Variants in LRSAM1 observed in about 807,000 individuals in gnomAD.
LRSAM1 encodes the protein E3 ubiquitin-protein ligase LRSAM1.
A neutral mutation model predicts 118.1 loss-of-function variants in LRSAM1; 96 were observed. The ratio of observed to expected loss-of-function variants is 0.81; its 90% confidence interval spans 0.69 to 0.96. LRSAM1 has a LOEUF of 0.96. Ranked by LOEUF, LRSAM1 falls within the 40% of genes least tolerant of loss-of-function variation. The pLI is 0.00. For synonymous variants in LRSAM1, 322 were observed against 364.2 expected (o/e 0.88, Z 1.32); for missense variants, 804 against 915.5 (o/e 0.88, Z 1.57).
chr9:127,481,664 T>G (rs1835544372), intron 15 of LRSAM1, among the ~76,000 whole-genome samples: 1 of 152,204 alleles, frequency 6.6e-6, no homozygotes, highest in Non-Finnish European at 1.5e-5. Flanking sequence ...TTACAAAGAA[T>G]CATTGTCTTC....
chr9:127,469,620 G>GAAAAGGCCAGAACTTTTCAATGGA (rs1835088687), intron 10 of LRSAM1, among the ~76,000 whole-genome samples: 4 of 147,412 alleles, frequency 2.7e-5, no homozygotes, highest in African/African-American at 9.9e-5. Context: ...CTTTTCAATG[G>GAAAAGGCCAGAACTTTTCAATGGA]AAAAAAAAAA....
In LRSAM1 at chr9:127,502,909, G is replaced by A. The variant is rs372040839; in HGVS notation, c.*10G>A. The stretch of plus-strand genomic sequence containing the variant: ...CTACCACAGCAGCTGAGTGCTGCCC[G>A]CCCACCTGGGCCTGGTCCTAGCCCT... On this transcript the variant is annotated 3_prime_UTR_variant, in exon 26 of 26. Coordinates refer to ENST00000300417, the MANE Select transcript of LRSAM1 (RefSeq NM_001005373.4). The A allele has an allele frequency of 1.1e-5, 17 of 1,584,416 alleles. No individual in the cohort carries two copies. The highest frequency in any genetic ancestry group is 8.0e-5 in the South Asian group (7 of 87,486).
In LRSAM1 at chr9:127,496,050, C is replaced by T; in HGVS notation, c.1785C>T (p.Leu595=). The T allele has an allele frequency of 6.2e-7, 1 of 1,612,272 alleles. No individual in the cohort carries two copies. Among genetic ancestry groups the T allele is most frequent in the Admixed American group, 1.7e-5 (1 of 60,024 alleles). The part of the protein sequence containing the change: ...HYLPIFAHHR[L]SLDLLSQMSP... ...TGCCCATCTTTGCGCACCACCGCCT[C>T]TCACTGGACCTGCTGAGCCAAATGA... is the stretch of plus-strand genomic sequence containing the variant. The change falls in exon 23 of 26, where the codon CTC becomes CTT. Residue 595 remains leucine (L), a synonymous_variant. Transcript: ENST00000300417.
At position 127,495,322 on chromosome 9, in the gene LRSAM1, G is replaced by A. The variant is rs766032321; in HGVS notation, c.1602G>A (p.Thr534=). The A allele has an allele frequency of 1.9e-6, 3 of 1,613,718 alleles. No individual in the cohort carries two copies. The highest frequency in any genetic ancestry group is 1.7e-6 in the Non-Finnish European group (2 of 1,179,718). The change falls in exon 22 of 26, where the codon ACG becomes ACA. Residue 534 remains threonine, a splice_region_variant and synonymous_variant. Transcript: ENST00000300417. The part of the protein sequence containing the change: ...QREEELREIL[T]ELEAKSETRQ... Reference sequence around the variant, plus strand: ...ATTGCCTGCTTCATTCCTGGCAGACGGAGTTAGAAGCCAAAAGTGAAACCA... The same window carrying A: ...ATTGCCTGCTTCATTCCTGGCAGACAGAGTTAGAAGCCAAAAGTGAAACCA...
chr9:127,477,773 C>T (rs1007474320), intron 11 of LRSAM1, among the ~76,000 whole-genome samples: 6 of 151,598 alleles, frequency 4.0e-5, no homozygotes, highest in African/African-American at 9.7e-5. Context: ...GTGGGCCGGG[C>T]GCAGTGGCTC....
At chr9:127,482,561 C>T (rs1260447413) in intron 15 of LRSAM1, among the ~76,000 whole-genome samples, 2 of 152,214 alleles carry the variant, frequency 1.3e-5, no homozygotes, top group East Asian at 1.9e-4. Flanking sequence ...GCCCATTTCT[C>T]CACCACCATC....
At chr9:127,484,993 A>G (rs920814790) in intron 16 of LRSAM1, among the ~76,000 whole-genome samples, 1 of 151,796 alleles carries the variant, frequency 6.6e-6, no homozygotes, top group Non-Finnish European at 1.5e-5. Context: ...TTTTTAGTAC[A>G]GACACAGTTT....
chr9:127,471,131 TA>T (rs1835151838), intron 10 of LRSAM1: 1 of 151,982 alleles, frequency 6.6e-6, no homozygotes, highest in Non-Finnish European at 1.5e-5. Flanking sequence ...GTGATTCCAA[TA>T]TACACCCTGG....
chr9:127,493,321 G>A (rs1044546086), intron 21 of LRSAM1, among the ~76,000 whole-genome samples: 23 of 152,236 alleles, frequency 1.5e-4, no homozygotes, highest in African/African-American at 5.1e-4. Flanking sequence ...CTTGGCCTCC[G>A]AAAGTGCTGG....
chr9:127,483,382 G>A (rs1406872803), intron 16 of LRSAM1, among the ~76,000 whole-genome samples: 1 of 152,072 alleles, frequency 6.6e-6, no homozygotes, highest in African/African-American at 2.4e-5. Flanking sequence ...AGGAGTTCAA[G>A]GCTGCAGTGA....
chr9:127,502,988 C>T lies in LRSAM1; in HGVS notation c.*89C>T, dbSNP rs1336214738. 21 of 1,513,982 alleles carry T rather than the reference C, an allele frequency of 1.4e-5. No homozygotes were observed. The South Asian group carries it at 1.7e-4, about 12-fold the overall frequency. The allele number at this position is 1,513,982 out of a possible 1,614,324, so 93.8% of individuals were successfully genotyped here. The stretch of plus-strand genomic sequence containing the variant: ...TGCTCAGCCTTGTGCCAGCCAGACT[C>T]GTATGAGGCTCCCCCCTGCCCTGGG... On this transcript the variant is annotated 3_prime_UTR_variant, in exon 26 of 26. Coordinates refer to ENST00000300417, the MANE Select transcript of LRSAM1 (RefSeq NM_001005373.4).
Position 127,501,038 on chromosome 9 carries a change from C to T in LRSAM1, c.1941C>T (p.Val647=), listed in dbSNP as rs1000632610. 2.5e-6 allele frequency: 4 copies of T among 1,614,032 alleles called. No individual in the cohort carries two copies. The highest frequency in any genetic ancestry group is 1.7e-5 in the Admixed American group (1 of 60,016). Reference sequence around the variant, plus strand: ...TGAAACCACCAATGGGTGAGGTCGTCACCCCTACGGCCCCCCAGGAGCCTC... The same window carrying T: ...TGAAACCACCAATGGGTGAGGTCGTTACCCCTACGGCCCCCCAGGAGCCTC... ...PELKPPMGEV[V]TPTAPQEPPE... is the part of the protein sequence containing the mutation. Residue 647 remains valine (V), a synonymous_variant, in exon 25 of 26, where the codon GTC becomes GTT. Coordinates refer to ENST00000300417, the MANE Select transcript of LRSAM1 (RefSeq NM_001005373.4).
chr9:127,476,623 G>A (rs1835358548), intron 11 of LRSAM1, among the ~76,000 whole-genome samples: 1 of 152,174 alleles, frequency 6.6e-6, no homozygotes, highest in African/African-American at 2.4e-5. Flanking sequence ...GGAGTGGGAA[G>A]AGGATTTGAT....
chr9:127,502,400 AG>A (rs957750035), intron 25 of LRSAM1, among the ~76,000 whole-genome samples: 5 of 152,040 alleles, frequency 3.3e-5, no homozygotes, highest in Non-Finnish European at 5.9e-5. Flanking sequence ...AGAATAATGA[AG>A]GGGGCCGGCA....
At chr9:127,487,470 C>T (rs1835774676) in intron 17 of LRSAM1, 3 of 537,402 alleles carry the variant, frequency 5.6e-6, no homozygotes, top group Non-Finnish European at 1.0e-5. Flanking sequence ...TCTCCCAGCT[C>T]CCAACTCGAT....
intron 9 of LRSAM1, among the ~76,000 whole-genome samples, chr9:127,462,805 G>A (rs1231934284): frequency 6.6e-6 from 1 of 151,374 alleles, no homozygotes; most frequent in Non-Finnish European, 1.5e-5. Context: ...AAACCTGCAC[G>A]TGCTGCACAT....
rs1458084602 is a variant in LRSAM1, at chr9:127,497,296, G to A, written c.1874G>A (p.Arg625Lys). 6.2e-7 allele frequency: 1 copy of A among 1,612,948 alleles called. No individual in the cohort carries two copies. The highest frequency in any genetic ancestry group is 2.2e-5 in the East Asian group (1 of 44,876). Residue 625 changes from arginine to lysine, a missense_variant, in exon 24 of 26, where the codon AGA (arginine) becomes AAA (lysine). By Grantham distance (26) the Arg-to-Lys change is conservative. Transcript: ENST00000300417. ...GGCCTGCAGCACGAGATCCTCCGGAGAGTCCAGGAACTGCTGGATGCAGCC... is the reference window on the plus strand; with the variant it reads ...GGCCTGCAGCACGAGATCCTCCGGAAAGTCCAGGAACTGCTGGATGCAGCC... ...EAGLQHEILR[R>K]VQELLDAARI...
At chr9:127,485,310 C>A (rs1297861091) in intron 16 of LRSAM1, among the ~76,000 whole-genome samples, 2 of 152,106 alleles carry the variant, frequency 1.3e-5, no homozygotes, top group African/African-American at 4.8e-5. Flanking sequence ...GTAATCCCAG[C>A]ACTTTGGGAG....
intron 12 of LRSAM1, 64 bp from the exon 13 acceptor site, chr9:127,479,319 C>A (rs934303914): frequency 8.7e-6 from 14 of 1,612,412 alleles, no homozygotes; most frequent in Non-Finnish European, 1.1e-5. Flanking sequence ...TGGATTCTCC[C>A]GACTTCTGTG....
Sources: allele counts gnomAD v4.1 joint callset (sites outside exome capture counted in the v4.1 genomes callset), GRCh38; gene constraint gnomAD v4.1.1; transcripts MANE v1.5; gene names NCBI Gene and HGNC (gene_info 2026-07-23, HGNC 2026-07-21).